RBFOX1: variants seen among roughly 807,000 people sequenced by gnomAD.
RBFOX1 encodes RNA binding fox-1 homolog 1.
A neutral mutation model predicts 57.7 loss-of-function variants in RBFOX1; 8 were observed. That is an observed-to-expected ratio of 0.14 (90% CI 0.08 to 0.25). The LOEUF is 0.25. RBFOX1 is among the 10% of genes least tolerant of loss of function. The pLI is 1.00. For missense variants in RBFOX1, 611 were observed against 548.5 expected (o/e 1.11, Z -1.14); for synonymous variants, 326 against 222.4 (o/e 1.47, Z -4.15).
At chr16:5,415,196 A>G (rs540006661) in intron 1 of RBFOX1, among the ~76,000 whole-genome samples, 12 of 152,164 alleles carry the variant, frequency 7.9e-5, no homozygotes, top group Non-Finnish European at 1.3e-4. Context: ...TTGCAGTTCT[A>G]TGTGGCTGGG....
chr16:7,462,566 G>C (rs1374529787), intron 4 of RBFOX1, among the ~76,000 whole-genome samples: 5 of 152,244 alleles, frequency 3.3e-5, no homozygotes, highest in African/African-American at 1.2e-4. Flanking sequence ...TGTAACTTCG[G>C]CATGACTCAA....
chr16:5,521,965 A>G (rs1465919549), intron 2 of RBFOX1, among the ~76,000 whole-genome samples: 1 of 152,170 alleles, frequency 6.6e-6, no homozygotes, highest in Non-Finnish European at 1.5e-5. Flanking sequence ...TGAGGAGGGA[A>G]AAGACTTACT....
intron 3 of RBFOX1, among the ~76,000 whole-genome samples, chr16:6,921,126 C>G (rs1450670375): frequency 2.0e-5 from 3 of 152,148 alleles, no homozygotes; most frequent in East Asian, 1.9e-4. Context: ...TTCCTAAACT[C>G]CCCCAGGCTG....
intron 3 of RBFOX1, among the ~76,000 whole-genome samples, chr16:6,740,082 G>T (rs2154181601): frequency 6.6e-6 from 1 of 152,132 alleles, no homozygotes; most frequent in African/African-American, 2.4e-5. Flanking sequence ...ACCTAATGAG[G>T]AATAGTCCAG....
chr16:7,407,659 C>T (rs947616326), intron 4 of RBFOX1, among the ~76,000 whole-genome samples: 1 of 152,080 alleles, frequency 6.6e-6, no homozygotes, highest in African/African-American at 2.4e-5. Context: ...TGGCAGCATA[C>T]CTATTATCTT....
chr16:6,515,683 C>T (rs1011542331), intron 2 of RBFOX1, among the ~76,000 whole-genome samples: 11 of 152,108 alleles, frequency 7.2e-5, no homozygotes, highest in Middle Eastern at 3.2e-3. Flanking sequence ...TTCTCTTATT[C>T]CATTTCTCAA....
chr16:6,470,607 A>G (rs1314380121), intron 2 of RBFOX1, among the ~76,000 whole-genome samples: 1 of 152,134 alleles, frequency 6.6e-6, no homozygotes, highest in Non-Finnish European at 1.5e-5. Flanking sequence ...CCTCTTGTGT[A>G]ACTCTTTCTG....
At chr16:7,710,590 A>G in intron 15 of RBFOX1, 33 bp from the exon 16 acceptor site, 1 of 1,609,676 alleles carries the variant, frequency 6.2e-7, no homozygotes, top group Non-Finnish European at 8.5e-7. Flanking sequence ...AGGAAAATGT[A>G]AAAAACACAC....
At chr16:7,096,306 C>G (rs1048129207) in intron 4 of RBFOX1, among the ~76,000 whole-genome samples, 2 of 152,122 alleles carry the variant, frequency 1.3e-5, no homozygotes, top group African/African-American at 4.8e-5. Flanking sequence ...CCAAAGATGA[C>G]AGGCAGTCAG....
chr16:5,662,460 C>G (rs529724716), intron 3 of RBFOX1, among the ~76,000 whole-genome samples: 2 of 152,254 alleles, frequency 1.3e-5, no homozygotes, highest in South Asian at 4.2e-4. Flanking sequence ...CCCATACACT[C>G]ATAAGAAAAT....
intron 2 of RBFOX1, among the ~76,000 whole-genome samples, chr16:6,421,903 C>G (rs1405296899): frequency 6.6e-6 from 1 of 151,244 alleles, no homozygotes; most frequent in African/African-American, 2.4e-5. Context: ...TCCTGTTCCT[C>G]CTGTTTAGGG....
chr16:6,535,966 G>C (rs766966330), intron 2 of RBFOX1, among the ~76,000 whole-genome samples: 6 of 152,100 alleles, frequency 3.9e-5, no homozygotes, highest in Non-Finnish European at 5.9e-5. Flanking sequence ...TGCCTCTTTA[G>C]TTTCTATCCA....
intron 1 of RBFOX1, among the ~76,000 whole-genome samples, chr16:6,119,607 A>G: frequency 6.6e-6 from 1 of 152,212 alleles, no homozygotes; most frequent in East Asian, 1.9e-4. Context: ...CCATTTATTC[A>G]GTATTTATAT....
intron 4 of RBFOX1, among the ~76,000 whole-genome samples, chr16:7,468,504 G>A (rs1181153839): frequency 4.7e-5 from 7 of 149,632 alleles, no homozygotes; most frequent in Admixed American, 1.3e-4. Context: ...TAACCCATTG[G>A]AGTTTCCTTC....
intron 10 of RBFOX1, among the ~76,000 whole-genome samples, chr16:7,616,324 A>C (rs7193902): frequency 0.066 from 10,021 of 152,316 alleles, 375 homozygotes; most frequent in South Asian, 0.11. Context: ...ATTTTTCCAG[A>C]AATGGCATGT....
chr16:6,663,614 T>G (rs8057809), intron 3 of RBFOX1, among the ~76,000 whole-genome samples: 2 of 151,636 alleles, frequency 1.3e-5, no homozygotes, highest in East Asian at 3.9e-4. Flanking sequence ...CAGAGGCTGC[T>G]GTGAGCGCCC....
At chr16:5,654,630 C>T (rs938862849) in intron 3 of RBFOX1, among the ~76,000 whole-genome samples, 2 of 152,184 alleles carry the variant, frequency 1.3e-5, no homozygotes, top group African/African-American at 4.8e-5. Context: ...CCTCCCAAAG[C>T]CTCAAGCCCT....
chr16:6,032,244 A>G (rs992892267), intron 1 of RBFOX1, among the ~76,000 whole-genome samples: 1 of 152,142 alleles, frequency 6.6e-6, no homozygotes, highest in Non-Finnish European at 1.5e-5. Flanking sequence ...TCGCCTAGGT[A>G]GGGTGTGGTC....
intron 3 of RBFOX1, among the ~76,000 whole-genome samples, chr16:5,787,766 A>G (rs1247836959): frequency 1.3e-5 from 2 of 152,206 alleles, no homozygotes; most frequent in Non-Finnish European, 2.9e-5. Context: ...GGAACAGTCA[A>G]GCCTCCATGA....
Sources: allele counts gnomAD v4.1 joint callset (sites outside exome capture counted in the v4.1 genomes callset), GRCh38; gene constraint gnomAD v4.1.1; transcripts MANE v1.5; gene names NCBI Gene and HGNC (gene_info 2026-07-23, HGNC 2026-07-21).